Variants in RBFOX3 observed in about 807,000 individuals in gnomAD.
RBFOX3 encodes the protein RNA binding fox-1 homolog 3.
RBFOX3 carries 17 observed loss-of-function variants against 48.7 expected under a neutral mutation model. The ratio of observed to expected loss-of-function variants is 0.35; its 90% CI spans 0.24 to 0.52. The LOEUF (loss-of-function observed/expected upper bound fraction) is 0.52. Ranked by LOEUF, RBFOX3 falls within the 20% of genes least tolerant of loss-of-function variation. The pLI is 0.94. For missense variants in RBFOX3, 382 were observed against 497.5 expected (o/e 0.77, Z 2.21); for synonymous variants, 212 against 209.5 (o/e 1.01, Z -0.10).
At chr17:79,167,975 CCA>C (rs752677780) in intron 4 of RBFOX3, among the ~76,000 whole-genome samples, 1 of 152,248 alleles carries the variant, frequency 6.6e-6, no homozygotes, top group Non-Finnish European at 1.5e-5. Flanking sequence ...TCACCTCCAA[CCA>C]CAGAGTGGGG....
chr17:79,642,933 C>CTAT, the RBFOX3 span, among the ~76,000 whole-genome samples: 1 of 152,066 alleles, frequency 6.6e-6, no homozygotes, highest in Non-Finnish European at 1.5e-5. Flanking sequence ...AGAGAGACCT[C>CTAT]GTCTCTACAA....
chr17:79,511,441 C>G (rs1310019161), intron 1 of RBFOX3, among the ~76,000 whole-genome samples: 2 of 152,160 alleles, frequency 1.3e-5, no homozygotes, highest in African/African-American at 4.8e-5. Context: ...GAGGAGGAGT[C>G]GTGGAAATGG....
chr17:79,236,521 G>A (rs1960019773), intron 3 of RBFOX3, among the ~76,000 whole-genome samples: 1 of 152,264 alleles, frequency 6.6e-6, no homozygotes, highest in African/African-American at 2.4e-5. Context: ...AACCTCCTGA[G>A]CTCGGGCAAT....
At chr17:79,132,168 C>A (rs2039068240) in intron 4 of RBFOX3, among the ~76,000 whole-genome samples, 1 of 151,586 alleles carries the variant, frequency 6.6e-6, no homozygotes, top group Non-Finnish European at 1.5e-5. Flanking sequence ...CAGTTCCCAG[C>A]TCCCAGGGTG....
At position 79,518,702 on chromosome 17, in the gene RBFOX3, T is replaced by G. The variant is rs901778279; in HGVS notation, c.-319-36104A>C. Among the ~76,000 whole-genome samples the G allele has an allele frequency of 3.1e-3, 477 of 152,034 alleles. 7 individuals carry two copies. In the South Asian group the frequency reaches 0.048, roughly 15 times the overall value. ...TCAGGCTCCCCGTGCAAAACCGGGG[T>G]TGAGGCCCCCTTGCCGTGCCTTCCC... On this transcript the variant is annotated intron_variant, in intron 1 of 14. Coordinates refer to ENST00000693108, the MANE Select transcript of RBFOX3 (RefSeq NM_001350451.2).
chr17:79,344,556 T>C (rs139435994), intron 2 of RBFOX3, among the ~76,000 whole-genome samples: 1 of 151,712 alleles, frequency 6.6e-6, no homozygotes, highest in South Asian at 2.1e-4. Flanking sequence ...TATTTATTTA[T>C]TTATTTATTT....
At chr17:79,132,682 C>G (rs565701369) in intron 4 of RBFOX3, 1 of 152,236 alleles carries the variant, frequency 6.6e-6, no homozygotes, top group Admixed American at 6.5e-5. Flanking sequence ...CGCCCTTGAG[C>G]GGCCTGGCTT....
intron 1 of RBFOX3, among the ~76,000 whole-genome samples, chr17:79,537,280 T>C (rs1330634914): frequency 6.6e-6 from 1 of 152,198 alleles, no homozygotes; most frequent in Non-Finnish European, 1.5e-5. Flanking sequence ...ACTTGACTTG[T>C]TGCCAACATC....
At chr17:79,106,868 T>C (rs2077475137) in intron 5 of RBFOX3, 80 bp from the exon 6 acceptor site, 3 of 1,386,644 alleles carry the variant, frequency 2.2e-6, no homozygotes, top group Non-Finnish European at 2.8e-6. Flanking sequence ...GTCGGCAGAG[T>C]CTAAAGGCCA....
chr17:79,101,668 G>C lies in RBFOX3; in HGVS notation c.508-24C>G. The C allele has an allele frequency of 2.6e-6, 4 of 1,547,556 alleles. No individual in the cohort carries two copies. In the South Asian group the frequency reaches 3.6e-5, roughly 14 times the overall value. On this transcript the variant is annotated intron_variant, in intron 8 of 14. Transcript: ENST00000693108. ...ACCTGTTCAAAGAGGGAAGGAGAGA[G>C]AGGAAGAGGGAGGATTAGCCTCCTG...
chr17:79,606,769 G>A (rs1004867403), intron 1 of RBFOX3, among the ~76,000 whole-genome samples: 2 of 152,190 alleles, frequency 1.3e-5, no homozygotes, highest in Non-Finnish European at 2.9e-5. Flanking sequence ...TGTGTGCAAT[G>A]CTCCTTGCAT....
At chr17:79,260,642 C>A (rs1315840092) in intron 3 of RBFOX3, among the ~76,000 whole-genome samples, 1 of 152,184 alleles carries the variant, frequency 6.6e-6, no homozygotes. Flanking sequence ...AGAGGTGTGG[C>A]CACACTGGCC....
intron 1 of RBFOX3, among the ~76,000 whole-genome samples, chr17:79,528,741 C>A (rs1020161417): frequency 1.3e-5 from 2 of 152,028 alleles, no homozygotes; most frequent in Non-Finnish European, 2.9e-5. Context: ...TCACGGAGCA[C>A]TGCGGGCTGC....
chr17:79,625,051 G>A, the RBFOX3 span, among the ~76,000 whole-genome samples: 39 of 152,156 alleles, frequency 2.6e-4, 1 homozygote, highest in African/African-American at 7.5e-4. Flanking sequence ...CAGTTTATGC[G>A]CTATGACATG....
Position 79,381,612 on chromosome 17 carries a change from A to G in RBFOX3, c.-174-73788T>C, listed in dbSNP as rs560901998. ...CGGGCCTGGCATCCAGCTGTGCGGAACAGGCACTTGGTGTGTGAATAAACT... is the reference window on the plus strand; with the variant it reads ...CGGGCCTGGCATCCAGCTGTGCGGAGCAGGCACTTGGTGTGTGAATAAACT... On this transcript the variant is annotated intron_variant, in intron 2 of 14. Transcript: ENST00000693108. Among the ~76,000 whole-genome samples the G allele has an allele frequency of 2.6e-5, 4 of 152,342 alleles. No individual in the cohort carries two copies. In the East Asian group the frequency reaches 7.7e-4, roughly 29 times the overall value.
intron 4 of RBFOX3, among the ~76,000 whole-genome samples, chr17:79,202,485 T>C (rs1318185787): frequency 6.6e-6 from 1 of 152,172 alleles, no homozygotes; most frequent in Non-Finnish European, 1.5e-5. Context: ...CGCAGAGCCA[T>C]ACAGCTTACG....
chr17:79,278,483 C>A (rs192337201), intron 3 of RBFOX3, among the ~76,000 whole-genome samples: 1 of 152,284 alleles, frequency 6.6e-6, no homozygotes, highest in Non-Finnish European at 1.5e-5. Context: ...TTGGTGGGTG[C>A]CCCCTGCCCA....
chr17:79,107,995 GC>G (rs1168538761), intron 5 of RBFOX3, among the ~76,000 whole-genome samples: 9 of 152,190 alleles, frequency 5.9e-5, no homozygotes, highest in Non-Finnish European at 1.2e-4. Flanking sequence ...CTGACAATGT[GC>G]CTTTTATTGG....
intron 1 of RBFOX3, among the ~76,000 whole-genome samples, chr17:79,484,281 CCAG>C (rs2079192492): frequency 1.3e-5 from 2 of 152,228 alleles, no homozygotes; most frequent in Non-Finnish European, 2.9e-5. Context: ...AAGAGCAGAA[CCAG>C]CATCACAGAG....
Sources: allele counts gnomAD v4.1 joint callset (sites outside exome capture counted in the v4.1 genomes callset), GRCh38; gene constraint gnomAD v4.1.1; transcripts MANE v1.5; gene names NCBI Gene and HGNC (gene_info 2026-07-23, HGNC 2026-07-21).